The following GK3 variants were observed in gnomAD, a reference collection of about 807,000 sequenced individuals.
The protein encoded by GK3 is glycerol kinase 3.
At chr4:165,278,164 C>G in the GK3 span, 1 of 1,438,120 alleles carries the variant, frequency 7.0e-7, no homozygotes, top group African/African-American at 1.4e-5. Context: ...TTTCACTTTC[C>G]TCAGCATTAA....
At chr4:165,278,192 T>C in the GK3 span, 1 of 1,294,662 alleles carries the variant, frequency 7.7e-7, no homozygotes, top group South Asian at 1.2e-5. Flanking sequence ...TTCAAACCGC[T>C]CCATCGTGAC....
At chr4:165,279,247 A>G in the GK3 span, 2 of 1,532,978 alleles carry the variant, frequency 1.3e-6, no homozygotes, top group Non-Finnish European at 9.0e-7. Context: ...CAAAGTTATT[A>G]TTTCCTGGAA....
At chr4:165,277,855 C>T in the GK3 span, 1 of 772,600 alleles carries the variant, frequency 1.3e-6, no homozygotes, top group Non-Finnish European at 2.4e-6. Context: ...CTTGGAGGGT[C>T]ACGCAGCAAG....
At chr4:165,278,619 C>G in the GK3 span, 1 of 1,590,630 alleles carries the variant, frequency 6.3e-7, no homozygotes, top group East Asian at 2.2e-5. Flanking sequence ...TCAATTTCTT[C>G]TGAGGTCTTT....
the GK3 span, chr4:165,278,603 A>C: frequency 6.2e-7 from 1 of 1,602,040 alleles, no homozygotes; most frequent in Non-Finnish European, 8.6e-7. Context: ...TTCTTTAGCA[A>C]GTTTTTCAAT....
chr4:165,278,082 C>T, the GK3 span: 3 of 1,551,860 alleles, frequency 1.9e-6, no homozygotes, highest in Non-Finnish European at 2.7e-6. Context: ...CTAGGGTCAC[C>T]ACCTTCTGGA....
At chr4:165,278,951 T>C in the GK3 span, 3 of 1,465,014 alleles carry the variant, frequency 2.0e-6, no homozygotes, top group African/African-American at 1.4e-5. Flanking sequence ...ACTCCGAACA[T>C]GTGGAAGAAT....
At chr4:165,277,843 T>C in the GK3 span, 1 of 752,168 alleles carries the variant, frequency 1.3e-6, no homozygotes, top group Non-Finnish European at 2.4e-6. Context: ...GCCACAGGTC[T>C]ACTTGGAGGG....
chr4:165,279,696 G>A, the GK3 span: 1 of 1,471,608 alleles, frequency 6.8e-7, no homozygotes, highest in East Asian at 2.3e-5. Context: ...CTGGGTGACG[G>A]CGGCGGGAGG....
chr4:165,277,954 G>T, the GK3 span: 70 of 1,004,746 alleles, frequency 7.0e-5, no homozygotes, highest in African/African-American at 1.0e-3. Context: ...TAAAAAGCTC[G>T]CATCTTGGGA....
chr4:165,279,303 G>A, the GK3 span: 1 of 1,548,842 alleles, frequency 6.5e-7, no homozygotes, highest in Non-Finnish European at 8.9e-7. Flanking sequence ...CTTAGATCAA[G>A]CCACACCACA....
chr4:165,278,363 A>G, the GK3 span: 162 of 1,266,052 alleles, frequency 1.3e-4, no homozygotes, highest in East Asian at 8.3e-4. Flanking sequence ...GTTGCTGGTC[A>G]TTCCTCCATC....
chr4:165,278,098 A>T, the GK3 span: 117,230 of 1,558,370 alleles, frequency 0.075, 4,802 homozygotes, highest in Middle Eastern at 0.12. Context: ...CTGGAGATTG[A>T]GTTGTAACCC....
chr4:165,278,325 T>C, the GK3 span: 1 of 1,103,418 alleles, frequency 9.1e-7, no homozygotes, highest in South Asian at 1.2e-5. Context: ...ATATACAGAA[T>C]GTCTGCTTGT....
chr4:165,279,156 C>T, the GK3 span: 8 of 1,601,264 alleles, frequency 5.0e-6, no homozygotes, highest in African/African-American at 4.0e-5. Flanking sequence ...GCCTTTTGAA[C>T]TTTTCTCACA....
chr4:165,279,358 G>A, the GK3 span: 1 of 1,581,002 alleles, frequency 6.3e-7, no homozygotes, highest in Non-Finnish European at 8.7e-7. Flanking sequence ...AGACTACGGT[G>A]GTTTCCCTCT....
At chr4:165,278,455 T>C in the GK3 span, 2 of 1,544,452 alleles carry the variant, frequency 1.3e-6, no homozygotes, top group Non-Finnish European at 1.8e-6. Flanking sequence ...AAACAGCTTC[T>C]AATGCAGCAA....
the GK3 span, chr4:165,278,309 A>G: frequency 1.7e-5 from 18 of 1,078,356 alleles, no homozygotes; most frequent in Admixed American, 1.0e-4. Context: ...GGGCTTCACT[A>G]CTGGAATATA....
chr4:165,278,090 G>C, the GK3 span: 4 of 1,557,694 alleles, frequency 2.6e-6, no homozygotes, highest in Non-Finnish European at 3.5e-6. Flanking sequence ...ACCACCTTCT[G>C]GAGATTGAGT....
Sources: allele counts gnomAD v4.1 joint callset, GRCh38; gene constraint gnomAD v4.1.1; transcripts MANE v1.5; gene names NCBI Gene and HGNC (gene_info 2026-07-23, HGNC 2026-07-21).